PIEZO2: variants seen among roughly 807,000 people sequenced by gnomAD.
PIEZO2 encodes the protein piezo-type mechanosensitive ion channel component 2.
In PIEZO2, 172 loss-of-function variants were observed where a neutral mutation model predicts 337.3. That is an observed-to-expected ratio of 0.51 (90% CI 0.45 to 0.58). The LOEUF (loss-of-function observed/expected upper bound fraction) is 0.58. Ranked by LOEUF, PIEZO2 falls within the 20% of genes least tolerant of loss-of-function variation. The pLI, the probability that PIEZO2 is intolerant of heterozygous loss-of-function variation, is 0.00. For synonymous variants in PIEZO2, 1,251 were observed against 1,228.5 expected (o/e 1.02, Z -0.38); for missense variants, 3,028 against 3,391.3 (o/e 0.89, Z 2.66).
intron 4 of PIEZO2, among the ~76,000 whole-genome samples, chr18:10,901,416 TCACACACACACA>T (rs1253878950): frequency 8.3e-6 from 1 of 120,478 alleles, no homozygotes; most frequent in Admixed American, 9.2e-5. Context: ...CTACTTCTAT[TCACACACACACA>T]CGCACACACA....
intron 15 of PIEZO2, among the ~76,000 whole-genome samples, chr18:10,788,572 A>G (rs1008114340): frequency 3.9e-5 from 6 of 152,050 alleles, no homozygotes; most frequent in Non-Finnish European, 8.8e-5. Context: ...TCAACAACCT[A>G]AAATTTTTAT....
chr18:11,014,114 C>T (rs2035998406), intron 2 of PIEZO2, among the ~76,000 whole-genome samples: 1 of 152,268 alleles, frequency 6.6e-6, no homozygotes, highest in Non-Finnish European at 1.5e-5. Context: ...TGAGGCACCT[C>T]CACTTGCTGT....
rs2040463852 is a variant in PIEZO2, at chr18:10,819,614, G to A, written c.918-12340C>T. ...TAATTCAATGCACAATTACACAGGT[G>A]TTTTCTCAATGTTGTTCTCAATGCA... On this transcript the variant is annotated intron_variant, in intron 7 of 55. Transcript: ENST00000674853. This position sits in a 1 kb window ranked among gnomAD's most constrained non-coding sequence, Gnocchi z 4.3. Among the ~76,000 whole-genome samples, 1 of 152,148 alleles carries A rather than the reference G, an allele frequency of 6.6e-6. No individual in the cohort carries two copies. Among genetic ancestry groups the A allele is most frequent in the Non-Finnish European group, 1.5e-5 (1 of 68,020 alleles).
intron 2 of PIEZO2, among the ~76,000 whole-genome samples, chr18:11,024,942 G>GT (rs554949643): frequency 0.01 from 1,441 of 143,870 alleles, 13 homozygotes; most frequent in East Asian, 0.052. Flanking sequence ...CCCAGCGAAG[G>GT]TTTTTTTTTT....
chr18:10,777,020 T>C (rs1332886866), intron 18 of PIEZO2, among the ~76,000 whole-genome samples: 1 of 152,194 alleles, frequency 6.6e-6, no homozygotes, highest in African/African-American at 2.4e-5. Context: ...CTAGTGGTCA[T>C]ATGCAGGATT....
intron 1 of PIEZO2, among the ~76,000 whole-genome samples, chr18:11,139,813 G>C (rs1016105932): frequency 5.3e-5 from 8 of 152,054 alleles, no homozygotes; most frequent in Non-Finnish European, 1.0e-4. Context: ...TCTTTCTTTT[G>C]GTATGTCAAG....
Position 10,673,585 on chromosome 18 carries a change from C to T in PIEZO2, c.8162-712G>A, listed in dbSNP as rs1336075817. 3.3e-5 allele frequency among the ~76,000 whole-genome samples: 5 copies of T among 152,072 alleles called. No individual in the cohort carries two copies. The highest frequency in any genetic ancestry group is 5.9e-5 in the Non-Finnish European group (4 of 68,034). On this transcript the variant is annotated intron_variant, in intron 54 of 55. Coordinates refer to ENST00000674853, the MANE Select transcript of PIEZO2 (RefSeq NM_001378183.1). The surrounding 1 kb of genome is among the most constrained non-coding windows in gnomAD (Gnocchi z 4.8). The stretch of plus-strand genomic sequence containing the variant: ...AGCAAATCTCTGAGAACCATAATAT[C>T]GGGTCAGTGATTACTTTTATTGGAG...
At chr18:10,722,482 G>A (rs941511155) in intron 36 of PIEZO2, among the ~76,000 whole-genome samples, 11 of 151,806 alleles carry the variant, frequency 7.2e-5, no homozygotes, top group African/African-American at 2.2e-4. Context: ...TGCCCCCTTC[G>A]GCCTCCCAAA....
intron 1 of PIEZO2, among the ~76,000 whole-genome samples, chr18:11,121,043 A>G (rs1179072210): frequency 2.6e-5 from 4 of 152,200 alleles, no homozygotes; most frequent in Non-Finnish European, 5.9e-5. Flanking sequence ...ACTTGAGGTC[A>G]GGAGTTCAAG....
chr18:10,734,904 C>T (rs1274647595), intron 35 of PIEZO2, among the ~76,000 whole-genome samples: 2 of 152,176 alleles, frequency 1.3e-5, no homozygotes, highest in African/African-American at 4.8e-5. Context: ...AGAACTGATT[C>T]ATGCAACCAG....
chr18:11,050,805 A>ATATATATTATATATATATATATATAT (rs1267873853), intron 2 of PIEZO2, among the ~76,000 whole-genome samples: 1 of 150,340 alleles, frequency 6.7e-6, no homozygotes, highest in African/African-American at 2.5e-5. Context: ...TATATATATA[A>ATATATATTATATATATATATATATAT]AATTAATAAT....
chr18:10,761,049 G>T lies in PIEZO2; in HGVS notation c.3312C>A (p.Tyr1104Ter). 1 of 1,537,222 alleles carries T rather than the reference G, an allele frequency of 6.5e-7. No homozygotes were observed. Among genetic ancestry groups the T allele is most frequent in the Non-Finnish European group, 8.7e-7 (1 of 1,146,852 alleles). The part of the protein sequence containing the change: ...FEVTIYRHQE[Y>*]YRGRNNLTAP... Reference sequence around the variant, plus strand: ...CCGTCAGGTTATTTCGACCTCGATAGTATTCCTGATGGCGGTAAATGGTGA... The same window carrying T: ...CCGTCAGGTTATTTCGACCTCGATATTATTCCTGATGGCGGTAAATGGTGA... Residue 1104 changes from tyrosine (Y) to a stop codon, truncating the protein, a stop_gained, in exon 24 of 56, where the codon TAC becomes TAA. Transcript: ENST00000674853. LOFTEE classifies it high-confidence loss of function.
intron 23 of PIEZO2, among the ~76,000 whole-genome samples, chr18:10,761,590 T>C (rs1239714974): frequency 4.9e-4 from 75 of 152,234 alleles, no homozygotes; most frequent in Non-Finnish European, 1.2e-4. Flanking sequence ...AAAATAATAA[T>C]AGTGATGATA....
At chr18:10,697,536 TGTGC>T (rs1207373658) in intron 45 of PIEZO2, among the ~76,000 whole-genome samples, 1 of 152,226 alleles carries the variant, frequency 6.6e-6, no homozygotes, top group Non-Finnish European at 1.5e-5. Context: ...AGAAAAAGCA[TGTGC>T]ATAAATGCAA....
chr18:11,022,217 C>A (rs2036337431), intron 2 of PIEZO2, among the ~76,000 whole-genome samples: 1 of 152,176 alleles, frequency 6.6e-6, no homozygotes, highest in African/African-American at 2.4e-5. Flanking sequence ...CACAGCCCCC[C>A]TAACTGTGCA....
intron 2 of PIEZO2, 29 bp downstream of exon 2, chr18:11,066,098 T>C (rs964109504): frequency 1.4e-6 from 2 of 1,479,966 alleles, no homozygotes; most frequent in Non-Finnish European, 1.8e-6. Context: ...TGTATAACTC[T>C]GTGGTATACG....
intron 4 of PIEZO2, among the ~76,000 whole-genome samples, chr18:10,887,155 C>T (rs1388329437): frequency 5.4e-5 from 8 of 147,886 alleles, no homozygotes; most frequent in Admixed American, 2.1e-4. Context: ...CTGCAACCTC[C>T]GCCTCCTGGG....
In PIEZO2 at chr18:10,850,231, C is replaced by T. The variant is rs1207064619; in HGVS notation, c.917+5122G>A. ...GTGCAGATGAAACTGGAAGGAAGCA[C>T]GTGATTTTTTGGGACCATGGGGTGA... On this transcript the variant is annotated intron_variant, in intron 7 of 55. Transcript: ENST00000674853. This position sits in a 1 kb window ranked among gnomAD's most constrained non-coding sequence, Gnocchi z 4.5. 6.6e-6 allele frequency among the ~76,000 whole-genome samples: 1 copy of T among 152,090 alleles called. No individual in the cohort carries two copies. Among genetic ancestry groups the T allele is most frequent in the Non-Finnish European group, 1.5e-5 (1 of 68,030 alleles).
chr18:10,964,160 CATTA>C (rs1044080384), intron 3 of PIEZO2, among the ~76,000 whole-genome samples: 6 of 152,254 alleles, frequency 3.9e-5, no homozygotes, highest in African/African-American at 9.6e-5. Flanking sequence ...ATAATTTCCA[CATTA>C]ATTAAAGTGA....
Sources: gnomAD v4.1 joint callset for allele counts (sites outside exome capture counted in the v4.1 genomes callset) on GRCh38, gnomAD v4.1.1 for gene constraint, Gnocchi (gnomAD v3.1) non-coding constraint, MANE v1.5 for transcripts, NCBI Gene and HGNC (gene_info 2026-07-23, HGNC 2026-07-21) for gene names.